KIAA0930: variants seen among roughly 807,000 people sequenced by gnomAD.
KIAA0930 encodes the protein KIAA0930, also known as uncharacterized protein KIAA0930.
Under a neutral mutation model 43.9 loss-of-function variants are expected in KIAA0930, and 24 were observed. The ratio of observed to expected loss-of-function variants is 0.55; its 90% CI spans 0.40 to 0.77. The LOEUF is 0.77. KIAA0930 is among the 30% of genes least tolerant of loss of function. The probability of loss-of-function intolerance (pLI) is 0.00; values close to 1 mark genes in which losing one functional copy is unlikely to be tolerated. For synonymous variants in KIAA0930, 259 were observed against 216.4 expected (o/e 1.20, Z -1.73); for missense variants, 461 against 574.2 (o/e 0.80, Z 2.02).
intron 1 of KIAA0930, chr22:45,213,326 C>T (rs1308210522): frequency 7.7e-7 from 1 of 1,303,666 alleles, no homozygotes. Flanking sequence ...CTCACCCACT[C>T]CCATGCCCTG....
intron 1 of KIAA0930, among the ~76,000 whole-genome samples, chr22:45,222,671 A>AT (rs150695889): frequency 0.02 from 3,054 of 149,750 alleles, 103 homozygotes; most frequent in African/African-American, 0.07. Flanking sequence ...CCACACACAT[A>AT]CACCATAAAC....
At chr22:45,205,770 G>GCCA in intron 3 of KIAA0930, 23 bp downstream of exon 3, 5 of 1,523,786 alleles carry the variant, frequency 3.3e-6, no homozygotes, top group Non-Finnish European at 4.5e-6. Flanking sequence ...CCAATCCGCA[G>GCCA]CCCCACCCAT....
intron 1 of KIAA0930, among the ~76,000 whole-genome samples, chr22:45,233,513 C>T (rs1569085706): frequency 6.6e-6 from 1 of 152,270 alleles, no homozygotes; most frequent in East Asian, 1.9e-4. Flanking sequence ...GGCCCAGAGG[C>T]GGGCATCACC....
chr22:45,238,874 G>GCC (rs2083901696), intron 1 of KIAA0930, among the ~76,000 whole-genome samples: 1 of 145,394 alleles, frequency 6.9e-6, no homozygotes, highest in African/African-American at 2.7e-5. Context: ...TCCCTGGGCA[G>GCC]GCTCTCTCTC....
At chr22:45,238,478 G>A (rs977547895) in intron 1 of KIAA0930, among the ~76,000 whole-genome samples, 2 of 152,180 alleles carry the variant, frequency 1.3e-5, no homozygotes, top group African/African-American at 4.8e-5. Flanking sequence ...CAACAAACAT[G>A]TGCCTGGCAC....
chr22:45,224,075 C>T (rs927209937), intron 1 of KIAA0930, among the ~76,000 whole-genome samples: 10 of 152,110 alleles, frequency 6.6e-5, no homozygotes, highest in African/African-American at 2.4e-4. Flanking sequence ...TATTTTGTAC[C>T]CTGAGCACGT....
rs867223367 is a variant in KIAA0930 at position 45,206,115 on chromosome 22, A to C, written c.217-203T>G. Among the ~76,000 whole-genome samples, 8 of 152,374 alleles carry C rather than the reference A, an allele frequency of 5.3e-5. No individual in the cohort carries two copies. In the South Asian group the frequency reaches 1.7e-3, roughly 32 times the overall value. ...ACTGTAGCCTCAACCTCCTGGGCTC[A>C]AATGATCCTCTCACTTCAGCCTCCC... On this transcript the variant is annotated intron_variant, in intron 2 of 9. Coordinates refer to ENST00000336156, the MANE Select transcript of KIAA0930 (RefSeq NM_001009880.2).
chr22:45,213,264 A>G (rs145337995), intron 1 of KIAA0930: 5 of 1,259,702 alleles, frequency 4.0e-6, no homozygotes, highest in East Asian at 6.4e-5. Context: ...CTCGGCCCTC[A>G]GCCCTCAGCC....
At chr22:45,202,847 TC>T in intron 7 of KIAA0930, 142 bp downstream of exon 7, 1 of 677,732 alleles carries the variant, frequency 1.5e-6, no homozygotes, top group Admixed American at 3.3e-5. Context: ...GGTCCGGGCC[TC>T]CGCACGCTCG....
chr22:45,201,877 G>A (rs2083592227), intron 7 of KIAA0930, among the ~76,000 whole-genome samples: 1 of 152,202 alleles, frequency 6.6e-6, no homozygotes, highest in Non-Finnish European at 1.5e-5. Context: ...CATGCCTGCG[G>A]TAATGCATCG....
chr22:45,199,776 G>T, intron 8 of KIAA0930, 97 bp downstream of exon 8: 1 of 1,252,544 alleles, frequency 8.0e-7, no homozygotes, highest in Non-Finnish European at 1.1e-6. Flanking sequence ...GCTGCTGAAT[G>T]AACAAATGAA....
chr22:45,203,905 C>T lies in KIAA0930; in HGVS notation c.597G>A (p.Gln199=), dbSNP rs2083612854. Residue 199 remains glutamine (Q), a synonymous_variant, in exon 6 of 10, where the codon CAG becomes CAA. Transcript: ENST00000336156. ...LVASDKTNTF[Q]GVIFQGSIRY... ...GGATGGAGCCCTGAAAGATGACCCC[C>T]TGGAACGTGTTGGTTTTGTCACTAG... 7 of 1,614,120 alleles carry T rather than the reference C, an allele frequency of 4.3e-6. No homozygotes were observed. Among genetic ancestry groups the T allele is most frequent in the Non-Finnish European group, 3.4e-6 (4 of 1,179,992 alleles).
intron 1 of KIAA0930, among the ~76,000 whole-genome samples, chr22:45,217,198 T>C (rs542164113): frequency 6.6e-6 from 1 of 151,842 alleles, no homozygotes; most frequent in African/African-American, 2.4e-5. Flanking sequence ...CCATCTCTAC[T>C]AAAAATACAA....
intron 1 of KIAA0930, among the ~76,000 whole-genome samples, chr22:45,229,329 C>CCAAA (rs1555900988): frequency 7.1e-6 from 1 of 140,636 alleles, no homozygotes; most frequent in Admixed American, 7.1e-5. Context: ...ATCCCCACCA[C>CCAAA]CACTCACCGG....
In KIAA0930 at chr22:45,203,935, C is replaced by G. The variant is rs969752881; in HGVS notation, c.567G>C (p.Leu189=). Residue 189 remains leucine (L), a synonymous_variant, in exon 6 of 10, where the codon CTG becomes CTC. Coordinates refer to ENST00000336156, the MANE Select transcript of KIAA0930 (RefSeq NM_001009880.2). ...VGEGEMVCVE[L]VASDKTNTFQ... ...ACGTGTTGGTTTTGTCACTAGCCAC[C>G]AGCTCCACACAGACCATCTCTCCTT... 6.2e-7 allele frequency: 1 copy of G among 1,613,414 alleles called. No individual in the cohort carries two copies. The highest frequency in any genetic ancestry group is 8.5e-7 in the Non-Finnish European group (1 of 1,179,810).
chr22:45,204,524 C>T (rs964063105), intron 5 of KIAA0930, among the ~76,000 whole-genome samples: 10 of 152,182 alleles, frequency 6.6e-5, no homozygotes, highest in African/African-American at 1.9e-4. Context: ...CTAGGAGCTA[C>T]GTGTGCCTGG....
At chr22:45,226,395 A>G (rs1232199297) in intron 1 of KIAA0930, 1 of 464,616 alleles carries the variant, frequency 2.2e-6, no homozygotes, top group African/African-American at 2.0e-5. Flanking sequence ...TAGGGGACAA[A>G]GGGGAACAAA....
intron 8 of KIAA0930, among the ~76,000 whole-genome samples, chr22:45,198,713 G>A (rs565376795): frequency 6.6e-5 from 10 of 152,014 alleles, no homozygotes; most frequent in East Asian, 1.9e-4. Flanking sequence ...GCAGTGGCAC[G>A]ATCTCGGCTC....
At chr22:45,201,944 C>T (rs2083592801) in intron 7 of KIAA0930, among the ~76,000 whole-genome samples, 1 of 152,278 alleles carries the variant, frequency 6.6e-6, no homozygotes, top group Admixed American at 6.5e-5. Context: ...CTGCAGCTGC[C>T]ACCTGGGAAT....
Sources: allele counts gnomAD v4.1 joint callset (sites outside exome capture counted in the v4.1 genomes callset), GRCh38; gene constraint gnomAD v4.1.1; transcripts MANE v1.5; gene names NCBI Gene and HGNC (gene_info 2026-07-23, HGNC 2026-07-21).